The following C1orf52 variants were observed in gnomAD, a reference collection of about 807,000 sequenced individuals.
C1orf52 encodes chromosome 1 open reading frame 52.
In C1orf52, 5 loss-of-function variants were observed where a neutral mutation model predicts 17.2. The observed-to-expected ratio is 0.29, with a 90% CI of 0.15 to 0.61. The LOEUF is 0.61. Ranked by LOEUF, C1orf52 falls within the 20% of genes least tolerant of loss-of-function variation. The probability of loss-of-function intolerance (pLI) is 0.85; values close to 1 mark genes in which losing one functional copy is unlikely to be tolerated. For synonymous variants in C1orf52, 110 were observed against 88.0 expected, an observed-to-expected ratio of 1.25 and a Z score of -1.40; for missense variants, 245 against 234.1, an observed-to-expected ratio of 1.05 and a Z score of -0.30.
rs1570319941 is a variant in C1orf52, at chr1:85,257,327, G to A, written c.475+1197C>T. ...CAAATAATTATTAGAGGTGATACCT[G>A]AGATTTCTTCTTTTGATTTGGATTT... On this transcript the variant is annotated intron_variant, in intron 2 of 2. Coordinates refer to ENST00000471115, the MANE Select transcript of C1orf52 (RefSeq NM_198077.4). 6.3e-6 allele frequency: 4 copies of A among 637,076 alleles called. No homozygotes were observed. In the East Asian group the frequency reaches 1.1e-4, roughly 18 times the overall value. 39.5% of individuals were successfully genotyped at this position (637,076 alleles called of 1,614,324 possible). A position where few individuals can be genotyped will look rare whatever the true frequency, so the allele number is the denominator to read the frequency against.
Position 85,251,537 on chromosome 1 carries a change from G to A in C1orf52, c.*1092C>T, listed in dbSNP as rs1003058483. On this transcript the variant is annotated 3_prime_UTR_variant, in exon 3 of 3. Transcript: ENST00000471115. ...CTTGTTCATTTTATTATTACTATAC[G>A]CAAAGCATTAAAATAGAAGCTGGGT... 2.0e-5 allele frequency: 3 copies of A among 152,186 alleles called. No individual in the cohort carries two copies. The highest frequency in any genetic ancestry group is 2.1e-4 in the South Asian group (1 of 4,820). 9.4% of individuals were successfully genotyped at this position (152,186 alleles called of 1,614,324 possible).
At position 85,251,727 on chromosome 1, in the gene C1orf52, A is replaced by G. The variant is rs534120063; in HGVS notation, c.*902T>C. On this transcript the variant is annotated 3_prime_UTR_variant, in exon 3 of 3. Coordinates refer to ENST00000471115, the MANE Select transcript of C1orf52 (RefSeq NM_198077.4). The stretch of plus-strand genomic sequence containing the variant: ...ATGTCCTGTAAACTTACAATTTAAT[A>G]AAGAAATTAATGAATAACCATAAAG... The G allele has an allele frequency of 6.6e-6, 1 of 152,338 alleles. No homozygotes were observed. Among genetic ancestry groups the G allele is most frequent in the Non-Finnish European group, 1.5e-5 (1 of 68,034 alleles). The allele number at this position is 152,338 out of a possible 1,614,324, so 9.4% of individuals were successfully genotyped here. A position where few individuals can be genotyped will look rare whatever the true frequency, so the allele number is the denominator to read the frequency against.
chr1:85,257,825 C>T (rs1383669122), intron 2 of C1orf52, among the ~76,000 whole-genome samples: 1 of 152,194 alleles, frequency 6.6e-6, no homozygotes, highest in Non-Finnish European at 1.5e-5. Flanking sequence ...AAGCCTTCGG[C>T]CGGGAGCGGT....
Position 85,251,395 on chromosome 1 carries a change from T to C in C1orf52, c.*1234A>G, listed in dbSNP as rs1171974086. 6.6e-6 allele frequency: 1 copy of C among 152,192 alleles called. No homozygotes were observed. Among genetic ancestry groups the C allele is most frequent in the Non-Finnish European group, 1.5e-5 (1 of 68,038 alleles). 9.4% of individuals were successfully genotyped at this position (152,192 alleles called of 1,614,324 possible). A position where few individuals can be genotyped will look rare whatever the true frequency, so the allele number is the denominator to read the frequency against. On this transcript the variant is annotated 3_prime_UTR_variant, in exon 3 of 3. Coordinates refer to ENST00000471115, the MANE Select transcript of C1orf52 (RefSeq NM_198077.4). Reference sequence around the variant, plus strand: ...AATGTGCACTGTTCTGTAATTCTTATCTCTTAAGGGCTTCAGATTCATGGA... The same window carrying C: ...AATGTGCACTGTTCTGTAATTCTTACCTCTTAAGGGCTTCAGATTCATGGA...
intron 2 of C1orf52, among the ~76,000 whole-genome samples, chr1:85,254,718 C>T (rs1659887698): frequency 6.6e-6 from 1 of 152,196 alleles, no homozygotes; most frequent in South Asian, 2.1e-4. Flanking sequence ...AGTTAATTAT[C>T]ACTAAGCTCC....
At position 85,250,624 on chromosome 1, in the gene C1orf52, A is replaced by G. The variant is rs1659778950; in HGVS notation, c.*2005T>C. On this transcript the variant is annotated 3_prime_UTR_variant, in exon 3 of 3. Coordinates refer to ENST00000471115, the MANE Select transcript of C1orf52 (RefSeq NM_198077.4). The stretch of plus-strand genomic sequence containing the variant: ...CTAAGTCCTGTCTTCCTCCTCATAC[A>G]ACATACTCTGCACATCTCCCAGGAA... 6.6e-6 allele frequency: 1 copy of G among 152,208 alleles called. No individual in the cohort carries two copies. The highest frequency in any genetic ancestry group is 2.4e-5 in the African/African-American group (1 of 41,448). The allele number at this position is 152,208 out of a possible 1,614,324, so 9.4% of individuals were successfully genotyped here. A position where few individuals can be genotyped will look rare whatever the true frequency, so the allele number is the denominator to read the frequency against.
intron 2 of C1orf52, chr1:85,257,546 G>A (rs1659973856): frequency 5.8e-6 from 4 of 694,540 alleles, no homozygotes; most frequent in Admixed American, 4.7e-5. Context: ...ACTTTATCCC[G>A]TTGAAGGGTT....
chr1:85,258,263 T>C (rs1387336725), intron 2 of C1orf52, among the ~76,000 whole-genome samples: 2 of 152,220 alleles, frequency 1.3e-5, no homozygotes, highest in African/African-American at 2.4e-5. Context: ...GGATGAGATA[T>C]CAGATATTTT....
Position 85,251,551 on chromosome 1 carries a change from T to C in C1orf52, c.*1078A>G, listed in dbSNP as rs1328968100. On this transcript the variant is annotated 3_prime_UTR_variant, in exon 3 of 3. Coordinates refer to ENST00000471115, the MANE Select transcript of C1orf52 (RefSeq NM_198077.4). ...TATTACTATACGCAAAGCATTAAAA[T>C]AGAAGCTGGGTAGAGAAAACATGTA... 6.6e-6 allele frequency: 1 copy of C among 152,176 alleles called. No individual in the cohort carries two copies. The highest frequency in any genetic ancestry group is 1.5e-5 in the Non-Finnish European group (1 of 68,030). 9.4% of individuals were successfully genotyped at this position (152,176 alleles called of 1,614,324 possible).
intron 2 of C1orf52, 28 bp downstream of exon 2, chr1:85,258,496 A>G: frequency 6.3e-7 from 1 of 1,581,012 alleles, no homozygotes; most frequent in Non-Finnish European, 8.6e-7. Context: ...ATCAAAATAG[A>G]CCACCATCGG....
In C1orf52 at chr1:85,259,657, C is replaced by T. The variant is rs773370550; in HGVS notation, c.-24G>A. On this transcript the variant is annotated 5_prime_UTR_variant, in exon 1 of 3. Transcript: ENST00000471115. ...ATGACGGCTGCGAGCGACAACCCAG[C>T]ACTCCGCCGGAAGCCGGAAACCGGA... 1 of 1,500,814 alleles carries T rather than the reference C, an allele frequency of 6.7e-7. No homozygotes were observed. 93.0% of individuals were successfully genotyped at this position (1,500,814 alleles called of 1,614,324 possible).
In C1orf52 at chr1:85,258,543, C is replaced by A. The variant is rs1446886139; in HGVS notation, c.456G>T (p.Gly152=). The A allele has an allele frequency of 6.2e-7, 1 of 1,614,028 alleles. No homozygotes were observed. Among genetic ancestry groups the A allele is most frequent in the East Asian group, 2.2e-5 (1 of 44,888 alleles). Residue 152 remains glycine (G), a synonymous_variant, in exon 2 of 3, where the codon GGG becomes GGT. Coordinates refer to ENST00000471115, the MANE Select transcript of C1orf52 (RefSeq NM_198077.4). The part of the protein sequence containing the change: ...NAKKARLLPE[G]EETLESDDEK... The stretch of plus-strand genomic sequence containing the variant: ...CCTTACCTGATTCCAACGTCTCCTC[C>A]CCTTCTGGTAGAAGCCTAGCTTTCT...
chr1:85,257,626 A>G (rs143366581), intron 2 of C1orf52, among the ~76,000 whole-genome samples: 11 of 152,372 alleles, frequency 7.2e-5, no homozygotes, highest in Non-Finnish European at 1.3e-4. Context: ...GAAGGATGGT[A>G]CAGATTGGAT....
intron 1 of C1orf52, 113 bp downstream of exon 1, chr1:85,259,245 C>A (rs1660026168): frequency 7.3e-7 from 1 of 1,364,272 alleles, no homozygotes; most frequent in Non-Finnish European, 9.9e-7. Context: ...GGTGCGGCAT[C>A]CCGCGGGGGT....
intron 2 of C1orf52, among the ~76,000 whole-genome samples, chr1:85,255,129 C>G (rs1659901273): frequency 6.6e-6 from 1 of 152,166 alleles, no homozygotes; most frequent in Admixed American, 6.5e-5. Flanking sequence ...AATAGACAAA[C>G]TTTCTAAATT....
intron 1 of C1orf52, chr1:85,259,107 C>T: frequency 1.5e-6 from 2 of 1,355,412 alleles, no homozygotes; most frequent in Admixed American, 3.1e-5. Flanking sequence ...GTCCTCGCCG[C>T]GCGGGGTCGG....
At chr1:85,252,849 A>T in intron 2 of C1orf52, 147 bp from the exon 3 acceptor site, 1 of 627,224 alleles carries the variant, frequency 1.6e-6, no homozygotes, top group African/African-American at 1.9e-5. Context: ...ACAAGAATTA[A>T]CTTTTAGAGC....
At chr1:85,254,642 C>T (rs562931144) in intron 2 of C1orf52, among the ~76,000 whole-genome samples, 2 of 152,282 alleles carry the variant, frequency 1.3e-5, no homozygotes, top group East Asian at 3.9e-4. Flanking sequence ...CCACCCACCT[C>T]GGCCTCCCAA....
At chr1:85,256,480 T>G (rs1029867092) in intron 2 of C1orf52, among the ~76,000 whole-genome samples, 4 of 152,220 alleles carry the variant, frequency 2.6e-5, no homozygotes, top group Admixed American at 2.6e-4. Flanking sequence ...ATAAAGATTA[T>G]TTAAGCAAAT....
Sources: gnomAD v4.1 joint callset for allele counts (sites outside exome capture counted in the v4.1 genomes callset) on GRCh38, gnomAD v4.1.1 for gene constraint, MANE v1.5 for transcripts, NCBI Gene and HGNC (gene_info 2026-07-23, HGNC 2026-07-21) for gene names.